GRID2: variants seen among roughly 807,000 people sequenced by gnomAD.
GRID2 encodes the protein glutamate receptor ionotropic, delta-2.
In GRID2, 33 loss-of-function variants were observed where a neutral mutation model predicts 114.8. That is an observed-to-expected ratio of 0.29 (90% CI 0.22 to 0.38). The LOEUF (loss-of-function observed/expected upper bound fraction) is 0.38, where lower values mean the gene tolerates loss of function less well. GRID2 is among the 10% of genes least tolerant of loss of function. The probability of loss-of-function intolerance (pLI) is 1.00; values close to 1 mark genes in which losing one functional copy is unlikely to be tolerated. For missense variants in GRID2, 1,184 were observed against 1,257.7 expected, an observed-to-expected ratio of 0.94 and a Z score of 0.89; for synonymous variants, 505 against 449.9, an observed-to-expected ratio of 1.12 and a Z score of -1.55.
intron 2 of GRID2, among the ~76,000 whole-genome samples, chr4:92,673,770 C>T (rs1733190451): frequency 1.3e-5 from 2 of 151,492 alleles, no homozygotes; most frequent in Admixed American, 6.6e-5. Context: ...GGGAATTGAA[C>T]AATGAGAACA....
Position 92,968,556 on chromosome 4 carries a change from T to C in GRID2, c.245-116439T>C, listed in dbSNP as rs894905507. Among the ~76,000 whole-genome samples the C allele has an allele frequency of 2.0e-5, 3 of 151,976 alleles. No homozygotes were observed. In the East Asian group the frequency reaches 5.8e-4, roughly 29 times the overall value. On this transcript the variant is annotated intron_variant, in intron 2 of 15. Transcript: ENST00000282020. ...AGTCTAGTTTCATTGATACATCTCATGTTTCTCAGTATTTTTTATTTATTC... is the reference window on the plus strand; with the variant it reads ...AGTCTAGTTTCATTGATACATCTCACGTTTCTCAGTATTTTTTATTTATTC...
intron 2 of GRID2, among the ~76,000 whole-genome samples, chr4:92,625,708 T>G (rs956223502): frequency 2.6e-5 from 4 of 151,952 alleles, no homozygotes; most frequent in Non-Finnish European, 4.4e-5. Flanking sequence ...AGTGGGCTAA[T>G]AAATGTAAAG....
At chr4:92,421,784 C>A (rs774557536) in intron 1 of GRID2, among the ~76,000 whole-genome samples, 1 of 152,050 alleles carries the variant, frequency 6.6e-6, no homozygotes, top group African/African-American at 2.4e-5. Flanking sequence ...TTCTGTTCAA[C>A]TCTAATCCAG....
chr4:92,642,386 T>A (rs749188416), intron 2 of GRID2, among the ~76,000 whole-genome samples: 27 of 151,866 alleles, frequency 1.8e-4, no homozygotes, highest in South Asian at 6.2e-4. Flanking sequence ...ATTTCTCTAA[T>A]TCGTGATGAT....
At chr4:93,161,901 T>C (rs1737718302) in intron 4 of GRID2, among the ~76,000 whole-genome samples, 1 of 151,844 alleles carries the variant, frequency 6.6e-6, no homozygotes. Context: ...ATTTCTAATT[T>C]TTTATCTCAT....
chr4:93,467,493 G>T (rs1724405433), intron 11 of GRID2, among the ~76,000 whole-genome samples: 1 of 152,088 alleles, frequency 6.6e-6, no homozygotes, highest in African/African-American at 2.4e-5. Flanking sequence ...AAGCTATAAG[G>T]AATTGTTGAT....
intron 14 of GRID2, among the ~76,000 whole-genome samples, chr4:93,651,300 C>G (rs11935815): frequency 0.041 from 6,264 of 152,202 alleles, 433 homozygotes; most frequent in African/African-American, 0.14. Flanking sequence ...ACCAGTTTTG[C>G]AGGCAGCACA....
intron 8 of GRID2, among the ~76,000 whole-genome samples, chr4:93,386,943 CA>C (rs1049208606): frequency 3.3e-5 from 5 of 152,134 alleles, no homozygotes; most frequent in African/African-American, 1.2e-4. Context: ...CATGGCTGGC[CA>C]GGGGTCCTAA....
At chr4:92,608,257 A>G (rs944142850) in intron 2 of GRID2, among the ~76,000 whole-genome samples, 3 of 151,832 alleles carry the variant, frequency 2.0e-5, no homozygotes, top group Non-Finnish European at 2.9e-5. Flanking sequence ...TGAATTCAGC[A>G]TGGAAAGACT....
intron 2 of GRID2, among the ~76,000 whole-genome samples, chr4:92,609,065 T>C (rs1729593371): frequency 6.6e-6 from 1 of 151,752 alleles, no homozygotes; most frequent in Admixed American, 6.6e-5. Context: ...AAGTTTTCAT[T>C]AGTAAAGATG....
chr4:92,607,075 G>T (rs1312614993), intron 2 of GRID2, among the ~76,000 whole-genome samples: 1 of 151,974 alleles, frequency 6.6e-6, no homozygotes, highest in Non-Finnish European at 1.5e-5. Flanking sequence ...CAGCATAGTT[G>T]AGTGTCTGAA....
intron 12 of GRID2, among the ~76,000 whole-genome samples, chr4:93,495,918 G>A (rs1727488962): frequency 6.6e-6 from 1 of 151,702 alleles, no homozygotes. Context: ...AGCTAACTAA[G>A]TAAAAAGGAA....
chr4:93,225,987 C>A (rs1286354684), intron 7 of GRID2, among the ~76,000 whole-genome samples: 1 of 152,156 alleles, frequency 6.6e-6, no homozygotes, highest in Admixed American at 6.6e-5. Context: ...AATCCACTCC[C>A]ATTATATGGG....
intron 1 of GRID2, among the ~76,000 whole-genome samples, chr4:93,780,701 T>C (rs1381757492): frequency 1.3e-5 from 2 of 152,168 alleles, no homozygotes; most frequent in African/African-American, 2.4e-5. Flanking sequence ...ATCAGAGAGG[T>C]ACTGAAGCTG....
chr4:92,759,772 T>G (rs1010977173), intron 2 of GRID2, among the ~76,000 whole-genome samples: 1 of 151,446 alleles, frequency 6.6e-6, no homozygotes, highest in Non-Finnish European at 1.5e-5. Context: ...CCGGGCTTTT[T>G]TTTCTTCTTC....
chr4:93,010,534 C>G (rs1344986504), intron 2 of GRID2, among the ~76,000 whole-genome samples: 1 of 150,714 alleles, frequency 6.6e-6, no homozygotes, highest in East Asian at 2.0e-4. Context: ...CCAGCACTTG[C>G]ACTTATAATC....
At chr4:92,687,021 A>G (rs1733938700) in intron 2 of GRID2, among the ~76,000 whole-genome samples, 1 of 152,088 alleles carries the variant, frequency 6.6e-6, no homozygotes, top group African/African-American at 2.4e-5. Context: ...ACTTTTATTT[A>G]TTTCATGTAA....
intron 14 of GRID2, among the ~76,000 whole-genome samples, chr4:93,757,527 G>T (rs113188514): frequency 6.7e-4 from 102 of 152,298 alleles, no homozygotes; most frequent in African/African-American, 2.4e-3. Flanking sequence ...CTAAAACCAA[G>T]GTCTGGTGAC....
chr4:92,328,024 A>T (rs895144199), intron 1 of GRID2, among the ~76,000 whole-genome samples: 1 of 152,064 alleles, frequency 6.6e-6, no homozygotes, highest in Non-Finnish European at 1.5e-5. Context: ...TGCTTCTAAT[A>T]TATGTTAATG....
Sources: allele counts gnomAD v4.1 joint callset (sites outside exome capture counted in the v4.1 genomes callset), GRCh38; gene constraint gnomAD v4.1.1; transcripts MANE v1.5; gene names NCBI Gene and HGNC (gene_info 2026-07-23, HGNC 2026-07-21).